The following UBE3C variants were observed in gnomAD, a reference collection of about 807,000 sequenced individuals.
The protein encoded by UBE3C is ubiquitin-protein ligase E3C.
A neutral mutation model predicts 129.4 loss-of-function variants in UBE3C; 42 were observed. The observed-to-expected ratio is 0.32, with a 90% CI of 0.25 to 0.42. The LOEUF (loss-of-function observed/expected upper bound fraction) is 0.42. Among genes scored for constraint, UBE3C ranks in the 10% least tolerant of loss-of-function variants. The pLI, the probability that UBE3C is intolerant of heterozygous loss-of-function variation, is 1.00. For synonymous variants in UBE3C, 510 were observed against 492.4 expected, an observed-to-expected ratio of 1.04 and a Z score of -0.47; for missense variants, 1,049 against 1,319.1, an observed-to-expected ratio of 0.80 and a Z score of 3.17.
intron 6 of UBE3C, among the ~76,000 whole-genome samples, chr7:157,179,792 A>G (rs1330289657): frequency 1.3e-5 from 2 of 152,174 alleles, no homozygotes; most frequent in Admixed American, 6.5e-5. Context: ...TCCTCTGTCA[A>G]AACTACAGAA....
In UBE3C at chr7:157,224,159, CCA is replaced by C. The variant is rs369021999; in HGVS notation, c.2100+810_2100+811del. 1.9e-3 allele frequency among the ~76,000 whole-genome samples: 290 copies of C among 152,090 alleles called. 3 individuals carry two copies. The highest frequency in any genetic ancestry group is 6.4e-3 in the African/African-American group (265 of 41,504). ...AAAGTGCTGGGATTACAGGCATCAG[CCA>C]CTACACCTGGCCTGGAAACACTACT... On this transcript the variant is annotated intron_variant, in intron 16 of 22. Transcript: ENST00000348165.
intron 17 of UBE3C, among the ~76,000 whole-genome samples, chr7:157,228,115 T>G (rs987236266): frequency 1.3e-5 from 2 of 152,246 alleles, no homozygotes; most frequent in Non-Finnish European, 2.9e-5. Flanking sequence ...CATCTAGTCA[T>G]TGAAGTGAAT....
Position 157,210,175 on chromosome 7 carries a change from C to CA in UBE3C, c.1809+2249dup, listed in dbSNP as rs903726072. 7.3e-5 allele frequency among the ~76,000 whole-genome samples: 11 copies of CA among 149,734 alleles called. No individual in the cohort carries two copies. The East Asian group carries it at 1.2e-3, about 16-fold the overall frequency. ...CTGGGCGGTAGGGTGACTCTCTCTC[C>CA]AAAAAAAAAGAGGGTGAAAATTTAC... On this transcript the variant is annotated intron_variant, in intron 13 of 22. Transcript: ENST00000348165.
intron 14 of UBE3C, among the ~76,000 whole-genome samples, chr7:157,219,510 A>G (rs544352341): frequency 6.6e-6 from 1 of 152,342 alleles, no homozygotes; most frequent in East Asian, 1.9e-4. Flanking sequence ...TACAGGAAAC[A>G]TAGGGGTTAG....
At chr7:157,139,486 C>A in intron 1 of UBE3C, 148 bp downstream of exon 1, 1 of 696,456 alleles carries the variant, frequency 1.4e-6, no homozygotes. Context: ...TCGGGGCTTC[C>A]TCGCCGGATC....
rs1294754106 is a variant in UBE3C, at chr7:157,248,750, G to A, written c.2694+170G>A. On this transcript the variant is annotated intron_variant, in intron 19 of 22. Transcript: ENST00000348165. ...ATAGCTCCAAAGCACCTTAGCCCTG[G>A]CGTCTGAGCTGAGTGCAGTTCCTGC... The A allele has an allele frequency of 4.6e-5, 31 of 674,858 alleles. 1 individual carries two copies. The highest frequency in any genetic ancestry group is 7.1e-5 in the Non-Finnish European group (29 of 407,672). The allele number at this position is 674,858 out of a possible 1,614,324, so 41.8% of individuals were successfully genotyped here. A position where few individuals can be genotyped will look rare whatever the true frequency, so the allele number is the denominator to read the frequency against.
chr7:157,170,423 C>A lies in UBE3C; in HGVS notation c.315C>A (p.Tyr105Ter). The change falls in exon 4 of 23, where the codon TAC becomes TAA. Residue 105 changes from tyrosine to a stop codon, truncating the protein, a stop_gained. Coordinates refer to ENST00000348165, the MANE Select transcript of UBE3C (RefSeq NM_014671.3). LOFTEE classifies it high-confidence loss of function. ...TLLVRQLLFFYKQNEDSKRLI... is the reference protein window; with the variant it reads ...TLLVRQLLFF ...TGGTAAGGCAGCTTCTGTTTTTTTA[C>A]AAACAAAATGAAGACTCAAAACGTT... The A allele has an allele frequency of 6.4e-7, 1 of 1,560,092 alleles. No individual in the cohort carries two copies.
At position 157,238,301 on chromosome 7, in the gene UBE3C, G is replaced by A. The variant is rs1424545537; in HGVS notation, c.2481+6974G>A. ...TCACCAGCAGAGGGCAGCAGAATCCGGCCTGTGTTGTCGTGGGCCTCCTTG... is the reference window on the plus strand; with the variant it reads ...TCACCAGCAGAGGGCAGCAGAATCCAGCCTGTGTTGTCGTGGGCCTCCTTG... On this transcript the variant is annotated intron_variant, in intron 18 of 22. Coordinates refer to ENST00000348165, the MANE Select transcript of UBE3C (RefSeq NM_014671.3). Among the ~76,000 whole-genome samples the A allele has an allele frequency of 3.9e-5, 6 of 152,106 alleles. No homozygotes were observed. In the East Asian group the frequency reaches 5.8e-4, roughly 15 times the overall value.
intron 18 of UBE3C, among the ~76,000 whole-genome samples, chr7:157,242,861 C>G (rs752494193): frequency 2.6e-5 from 4 of 152,012 alleles, no homozygotes; most frequent in Non-Finnish European, 4.4e-5. Context: ...TCTAGACCAG[C>G]CTGACCAACA....
chr7:157,248,309 CTTTG>C (rs74659965), intron 18 of UBE3C, 55 bp from the exon 19 acceptor site: 136,256 of 1,494,682 alleles, frequency 0.091, 6,929 homozygotes, highest in Non-Finnish European at 0.1. Flanking sequence ...GCATATGGCT[CTTTG>C]TTTGTAGAAG....
intron 4 of UBE3C, among the ~76,000 whole-genome samples, chr7:157,172,113 A>G (rs929379163): frequency 6.6e-6 from 1 of 150,682 alleles, no homozygotes; most frequent in Admixed American, 6.6e-5. Flanking sequence ...GCTCACCGCA[A>G]CCTCGCCTCC....
At chr7:157,216,352 GTT>G (rs11373650) in intron 13 of UBE3C, among the ~76,000 whole-genome samples, 2 of 145,060 alleles carry the variant, frequency 1.4e-5, no homozygotes, top group African/African-American at 5.0e-5. Context: ...AGATTCGTGG[GTT>G]TTTTTTTTTT....
At chr7:157,244,303 C>T (rs1019799173) in intron 18 of UBE3C, among the ~76,000 whole-genome samples, 1 of 152,162 alleles carries the variant, frequency 6.6e-6, no homozygotes, top group Non-Finnish European at 1.5e-5. Flanking sequence ...ACACAAGCCC[C>T]TAGTGGTCCC....
chr7:157,259,818 T>C (rs112911954), intron 22 of UBE3C, among the ~76,000 whole-genome samples: 94 of 152,280 alleles, frequency 6.2e-4, no homozygotes, highest in African/African-American at 2.2e-3. Context: ...CATTGGATTG[T>C]ACATTTAAAG....
chr7:157,223,219 A>C, intron 15 of UBE3C, 35 bp from the exon 16 acceptor site: 1 of 1,600,380 alleles, frequency 6.2e-7, no homozygotes, highest in Non-Finnish European at 8.6e-7. Flanking sequence ...GGGAAAGTAC[A>C]AGTGAACTAA....
At position 157,248,452 on chromosome 7, in the gene UBE3C, A is replaced by G; in HGVS notation, c.2566A>G (p.Ile856Val). 6.2e-7 allele frequency: 1 copy of G among 1,613,622 alleles called. No homozygotes were observed. Among genetic ancestry groups the G allele is most frequent in the Non-Finnish European group, 8.5e-7 (1 of 1,180,004 alleles). Residue 856 changes from isoleucine to valine, a missense_variant, in exon 19 of 23, where the codon ATT becomes GTT. This residue lies in a region of UBE3C where 243 missense variants were observed against 368.7 expected (regional missense o/e 0.66). Coordinates refer to ENST00000348165, the MANE Select transcript of UBE3C (RefSeq NM_014671.3). ...GCTTGGAACCAGTGCCGACGTGGACATTCACCACCTCGCCTCCCTAGACCC... is the reference window on the plus strand; with the variant it reads ...GCTTGGAACCAGTGCCGACGTGGACGTTCACCACCTCGCCTCCCTAGACCC... ...KLLGTSADVD[I>V]HHLASLDPEV...
intron 1 of UBE3C, among the ~76,000 whole-genome samples, chr7:157,158,436 C>T (rs1022503066): frequency 2.0e-5 from 3 of 152,058 alleles, no homozygotes; most frequent in African/African-American, 7.3e-5. Flanking sequence ...GTGGCAGGAC[C>T]GGTGTAGAGA....
At position 157,207,857 on chromosome 7, in the gene UBE3C, G is replaced by A; in HGVS notation, c.1731G>A (p.Gln577=). 2.5e-6 allele frequency: 4 copies of A among 1,613,752 alleles called. No homozygotes were observed. The highest frequency in any genetic ancestry group is 3.4e-6 in the Non-Finnish European group (4 of 1,179,972). The change falls in exon 13 of 23, where the codon CAG becomes CAA. Residue 577 remains glutamine (Q), a synonymous_variant. Transcript: ENST00000348165. ...EVREEYITAF[Q]SIGVTTSSEM... ...GAGAAGAATATATTACAGCATTTCA[G>A]AGTATTGGAGTTACTACTAGCTCTG... is the stretch of plus-strand genomic sequence containing the variant.
intron 1 of UBE3C, among the ~76,000 whole-genome samples, chr7:157,160,452 G>C (rs1808040321): frequency 2.0e-5 from 3 of 152,064 alleles, no homozygotes; most frequent in South Asian, 4.1e-4. Flanking sequence ...GACCAGTGAT[G>C]CTGTTTTTCT....
Sources: allele counts gnomAD v4.1 joint callset (sites outside exome capture counted in the v4.1 genomes callset), GRCh38; gene constraint gnomAD v4.1.1; regional missense constraint gnomAD v4.1.1; transcripts MANE v1.5; gene names NCBI Gene and HGNC (gene_info 2026-07-23, HGNC 2026-07-21).